SPAG6: variants seen among roughly 807,000 people sequenced by gnomAD.
The protein encoded by SPAG6 is sperm-associated antigen 6.
A neutral mutation model predicts 58.5 loss-of-function variants in SPAG6; 49 were observed. The ratio of observed to expected loss-of-function variants is 0.84; its 90% CI spans 0.67 to 1.06. SPAG6 has a LOEUF of 1.06. Among genes scored for constraint, SPAG6 ranks in the 50% least tolerant of loss-of-function variants. The probability of loss-of-function intolerance (pLI) is 0.00; values close to 1 mark genes in which losing one functional copy is unlikely to be tolerated. For missense variants in SPAG6, 560 were observed against 611.3 expected (o/e 0.92, Z 0.89); for synonymous variants, 233 against 225.6 (o/e 1.03, Z -0.29).
intron 8 of SPAG6, among the ~76,000 whole-genome samples, chr10:22,393,581 T>G (rs983452151): frequency 6.6e-6 from 1 of 152,180 alleles, no homozygotes. Context: ...CTAATAGAAA[T>G]TAACTTCCTT....
At position 22,345,861 on chromosome 10, in the gene SPAG6, G is replaced by A. The variant is rs1229152245; in HGVS notation, c.121+43G>A. 6.3e-7 allele frequency: 1 copy of A among 1,590,956 alleles called. No homozygotes were observed. Among genetic ancestry groups the A allele is most frequent in the South Asian group, 1.1e-5 (1 of 88,346 alleles). On this transcript the variant is annotated intron_variant, in intron 2 of 10. Transcript: ENST00000376624. This position sits in a 1 kb window ranked among gnomAD's most constrained non-coding sequence, Gnocchi z 6.3. The stretch of plus-strand genomic sequence containing the variant: ...ACCCCCGTCGCCCCCCGCGCACTGA[G>A]TCCCCGACGCCTCCGCCCCGCTGCC...
intron 9 of SPAG6, among the ~76,000 whole-genome samples, chr10:22,410,325 A>G (rs1834699127): frequency 6.6e-6 from 1 of 152,238 alleles, no homozygotes; most frequent in Non-Finnish European, 1.5e-5. Flanking sequence ...TGACAGACAT[A>G]TAATGGATAA....
intron 2 of SPAG6, chr10:22,346,163 C>A: frequency 8.3e-7 from 1 of 1,207,156 alleles, no homozygotes; most frequent in Non-Finnish European, 1.1e-6. Context: ...TGCCACCCTG[C>A]CTTTGATCAC....
At chr10:22,390,530 T>C (rs550626616) in intron 7 of SPAG6, among the ~76,000 whole-genome samples, 1 of 152,352 alleles carries the variant, frequency 6.6e-6, no homozygotes, top group East Asian at 1.9e-4. Flanking sequence ...TGTGTGGTAC[T>C]ATAAAGACTA....
chr10:22,398,656 G>T (rs911978323), intron 8 of SPAG6, among the ~76,000 whole-genome samples: 1 of 152,138 alleles, frequency 6.6e-6, no homozygotes, highest in African/African-American at 2.4e-5. Flanking sequence ...TTGAGCCCAA[G>T]AATTTGAGGC....
At chr10:22,402,655 T>C in intron 9 of SPAG6, among the ~76,000 whole-genome samples, 1 of 152,208 alleles carries the variant, frequency 6.6e-6, no homozygotes, top group East Asian at 1.9e-4. Flanking sequence ...TAAAATAAAC[T>C]GCCCCTCTTA....
At chr10:22,386,679 T>C in intron 4 of SPAG6, 75 bp from the exon 5 acceptor site, 1 of 1,091,544 alleles carries the variant, frequency 9.2e-7, no homozygotes, top group Non-Finnish European at 1.4e-6. Context: ...CTTTGCTGTA[T>C]CTGTCAGGGT....
At chr10:22,375,239 C>T (rs1220058547) in intron 4 of SPAG6, among the ~76,000 whole-genome samples, 1 of 152,156 alleles carries the variant, frequency 6.6e-6, no homozygotes, top group East Asian at 1.9e-4. Context: ...CTTTTATTTA[C>T]ATTTGAATTT....
chr10:22,346,509 C>CT (rs1836559215), intron 2 of SPAG6, among the ~76,000 whole-genome samples: 2 of 142,188 alleles, frequency 1.4e-5, no homozygotes, highest in African/African-American at 2.7e-5. Flanking sequence ...TCTTCTTCTT[C>CT]TTCCTCTTCT....
At chr10:22,381,519 T>C (rs895135084) in intron 4 of SPAG6, among the ~76,000 whole-genome samples, 7 of 152,092 alleles carry the variant, frequency 4.6e-5, no homozygotes, top group African/African-American at 1.7e-4. Flanking sequence ...GACCTTTTTT[T>C]TTTTTTTTTA....
At chr10:22,351,389 C>T (rs1836723872) in intron 2 of SPAG6, among the ~76,000 whole-genome samples, 1 of 152,122 alleles carries the variant, frequency 6.6e-6, no homozygotes, top group African/African-American at 2.4e-5. Flanking sequence ...AAGTTGGGAA[C>T]CGAGGTAGTC....
At chr10:22,347,910 G>C (rs1245628443) in intron 2 of SPAG6, among the ~76,000 whole-genome samples, 1 of 152,156 alleles carries the variant, frequency 6.6e-6, no homozygotes, top group African/African-American at 2.4e-5. Flanking sequence ...CATTCCTTTA[G>C]CAATTTTAAA....
At chr10:22,352,953 T>C (rs1836770850) in intron 2 of SPAG6, among the ~76,000 whole-genome samples, 1 of 152,234 alleles carries the variant, frequency 6.6e-6, no homozygotes, top group Non-Finnish European at 1.5e-5. Flanking sequence ...AACTCAGTGC[T>C]CTGTTCAGAA....
chr10:22,357,872 A>G (rs1237628199), intron 2 of SPAG6, among the ~76,000 whole-genome samples: 1 of 151,828 alleles, frequency 6.6e-6, no homozygotes, highest in South Asian at 2.1e-4. Flanking sequence ...ACTGAGAATG[A>G]TGATTTCCAG....
At chr10:22,361,815 C>CT (rs1837048888) in intron 2 of SPAG6, among the ~76,000 whole-genome samples, 1 of 151,666 alleles carries the variant, frequency 6.6e-6, no homozygotes. Context: ...AGATTAAATA[C>CT]TATAATAAAC....
intron 10 of SPAG6, among the ~76,000 whole-genome samples, chr10:22,412,042 G>C (rs1834752574): frequency 6.6e-6 from 1 of 151,776 alleles, no homozygotes; most frequent in Admixed American, 6.6e-5. Context: ...GTAGAGACGG[G>C]GTTTCACCGT....
At position 22,389,232 on chromosome 10, in the gene SPAG6, A is replaced by C; in HGVS notation, c.925A>C (p.Thr309Pro). 6.2e-7 allele frequency: 1 copy of C among 1,613,336 alleles called. No individual in the cohort carries two copies. The highest frequency in any genetic ancestry group is 1.7e-5 in the Admixed American group (1 of 59,904). The change falls in exon 7 of 11, where the codon ACA becomes CCA. Residue 309 changes from threonine (T) to proline (P), a missense_variant. Physicochemically the swap from Thr to Pro is conservative, Grantham distance 38. Transcript: ENST00000376624. Reference sequence around the variant, plus strand: ...CTGCATTGGGTCCTGCAAAGGGAACACACGGCTGCCTGGCATCATGATGCT... The same window carrying C: ...CTGCATTGGGTCCTGCAAAGGGAACCCACGGCTGCCTGGCATCATGATGCT... ...IDCIGSCKGN[T>P]RLPGIMMLGY...
At chr10:22,391,338 A>G (rs992492196) in intron 7 of SPAG6, among the ~76,000 whole-genome samples, 2 of 152,222 alleles carry the variant, frequency 1.3e-5, no homozygotes, top group East Asian at 1.9e-4. Flanking sequence ...GTGAAAAGAC[A>G]ATTTCTTTAA....
intron 10 of SPAG6, among the ~76,000 whole-genome samples, chr10:22,413,767 T>C (rs1161746440): frequency 1.3e-5 from 2 of 151,488 alleles, no homozygotes; most frequent in Admixed American, 1.3e-4. Context: ...TTAGGTTCTA[T>C]AAAATCGTAT....
Sources: gnomAD v4.1 joint callset for allele counts (sites outside exome capture counted in the v4.1 genomes callset) on GRCh38, gnomAD v4.1.1 for gene constraint, Gnocchi (gnomAD v3.1) non-coding constraint, MANE v1.5 for transcripts, NCBI Gene and HGNC (gene_info 2026-07-23, HGNC 2026-07-21) for gene names.